The following TENT4A variants were observed in gnomAD, a reference collection of about 807,000 sequenced individuals.
The protein encoded by TENT4A is terminal nucleotidyltransferase 4A, also known as DNA polymerase kappa.
Under a neutral mutation model 72.8 loss-of-function variants are expected in TENT4A, and 7 were observed. The observed-to-expected ratio is 0.10, with a 90% CI of 0.05 to 0.18. The LOEUF (loss-of-function observed/expected upper bound fraction) is 0.18, where lower values mean the gene tolerates loss of function less well. TENT4A is among the 10% of genes least tolerant of loss of function. TENT4A has a pLI of 1.00. For missense variants in TENT4A, 831 were observed against 1,017.7 expected (o/e 0.82, Z 2.50); for synonymous variants, 456 against 434.3 (o/e 1.05, Z -0.62).
intron 1 of TENT4A, among the ~76,000 whole-genome samples, chr5:6,718,020 C>T (rs1201633287): frequency 6.6e-6 from 1 of 152,236 alleles, no homozygotes; most frequent in Non-Finnish European, 1.5e-5. Flanking sequence ...AGCTTCTATT[C>T]AGAGTTTGGC....
chr5:6,750,477 G>C lies in TENT4A; in HGVS notation c.1834G>C (p.Val612Leu), dbSNP rs1360977527. 2.5e-6 allele frequency: 4 copies of C among 1,603,214 alleles called. No individual in the cohort carries two copies. The Admixed American group carries it at 5.2e-5, about 21-fold the overall frequency. The change falls in exon 10 of 13, where the codon GTG (valine) becomes CTG (leucine). Residue 612 changes from valine (V) to leucine (L), a missense_variant. Physicochemically the swap from Val to Leu is conservative, Grantham distance 32. Transcript: ENST00000230859. ...LLSSGSSASS[V>L]SSLSGSDVDS... ...GTCTTCAGGCTCCTCGGCCTCTTCT[G>C]TGTCTTCACTTTCTGGGAGTGACGT...
rs769370771 is a variant in TENT4A at position 6,749,666 on chromosome 5, T to C, written c.1687+9T>C. 2.5e-6 allele frequency: 4 copies of C among 1,575,864 alleles called. No homozygotes were observed. The South Asian group carries it at 4.4e-5, about 17-fold the overall frequency. On this transcript the variant is annotated intron_variant, in intron 9 of 12. Transcript: ENST00000230859. ...CCCGTCGCCAGGCATGGGTGAGAGA[T>C]TAATTCATTTGTGTTCATCCTAACC...
chr5:6,745,078 C>T (rs28381387), intron 6 of TENT4A, among the ~76,000 whole-genome samples: 2,616 of 152,274 alleles, frequency 0.017, 34 homozygotes, highest in South Asian at 0.039. Context: ...CCTGCCTCAG[C>T]GGTGTGACTG....
At chr5:6,750,542 T>G in intron 10 of TENT4A, 39 bp downstream of exon 10, 1 of 1,501,676 alleles carries the variant, frequency 6.7e-7, no homozygotes, top group Non-Finnish European at 9.0e-7. Flanking sequence ...TGTTGGACAG[T>G]TTGTGTCTCT....
intron 1 of TENT4A, among the ~76,000 whole-genome samples, chr5:6,727,623 C>T (rs1034560889): frequency 2.6e-5 from 4 of 152,218 alleles, no homozygotes; most frequent in African/African-American, 9.6e-5. Flanking sequence ...TAACTGGCTG[C>T]TCGTTACCTT....
In TENT4A at chr5:6,714,195, C is replaced by T. The variant is rs1456178581; in HGVS notation, c.212C>T (p.Ala71Val). The change falls in exon 1 of 13, where the codon GCG becomes GTG. Residue 71 changes from alanine (A) to valine (V), a missense_variant. Physicochemically the swap from Ala to Val is moderately conservative, Grantham distance 64 (BLOSUM62 0). Coordinates refer to ENST00000230859, the MANE Select transcript of TENT4A (RefSeq NM_006999.6). The part of the protein sequence containing the change: ...SGGLGPALPA[A>V]SPPPPGPTAP... ...GGCCTGGGCCCCGCGCTGCCCGCCG[C>T]GTCGCCCCCGCCGCCCGGCCCCACC... 2.2e-6 allele frequency: 2 copies of T among 912,046 alleles called. No homozygotes were observed. Among genetic ancestry groups the T allele is most frequent in the Admixed American group, 6.6e-5 (1 of 15,236 alleles). The allele number at this position is 912,046 out of a possible 1,614,324, so 56.5% of individuals were successfully genotyped here.
At chr5:6,724,186 T>C (rs917018712) in intron 1 of TENT4A, among the ~76,000 whole-genome samples, 5 of 152,220 alleles carry the variant, frequency 3.3e-5, no homozygotes, top group African/African-American at 1.2e-4. Context: ...CTGCATGGTA[T>C]GCAAGCCTGG....
intron 1 of TENT4A, among the ~76,000 whole-genome samples, chr5:6,735,973 G>C (rs564384988): frequency 8.5e-5 from 13 of 152,262 alleles, no homozygotes; most frequent in Admixed American, 6.5e-4. Flanking sequence ...ATTTTAGTCA[G>C]GATGGTCTTG....
chr5:6,754,915 G>A lies in TENT4A; in HGVS notation c.2349G>A (p.Arg783=). The change falls in exon 13 of 13, where the codon CGG becomes CGA. Residue 783 remains arginine, a synonymous_variant. Coordinates refer to ENST00000230859, the MANE Select transcript of TENT4A (RefSeq NM_006999.6). ...GWRRKKHTHT[R]DSLPVSLSR ...GGAGGAAAAAACACACACACACACG[G>A]GACAGTCTGCCCGTGAGCCTCAGCA... 6.3e-7 allele frequency: 1 copy of A among 1,588,356 alleles called. No individual in the cohort carries two copies. Among genetic ancestry groups the A allele is most frequent in the Non-Finnish European group, 8.6e-7 (1 of 1,161,318 alleles).
chr5:6,753,042 A>G lies in TENT4A; in HGVS notation c.2184+5A>G. ...AGCCCTCATCTGTATCATAAGGTAT[A>G]GCTCTGTCCTGGTGCATTCACCTAC... On this transcript the variant is annotated splice_donor_5th_base_variant and intron_variant, in intron 12 of 12. Coordinates refer to ENST00000230859, the MANE Select transcript of TENT4A (RefSeq NM_006999.6). 1 of 1,611,090 alleles carries G rather than the reference A, an allele frequency of 6.2e-7. No individual in the cohort carries two copies. The highest frequency in any genetic ancestry group is 1.7e-4 in the Middle Eastern group (1 of 6,048).
rs374819377 is a variant in TENT4A, at chr5:6,754,890, G to A, written c.2324G>A (p.Arg775Lys). ...CACCAGTATAACCGCACCGGCTGGA[G>A]GAGGAAAAAACACACACACACACGG... ...GHHQYNRTGW[R>K]RKKHTHTRDS... The change falls in exon 13 of 13, where the codon AGG becomes AAG. Residue 775 changes from arginine (R) to lysine (K), a missense_variant. Around this residue, in one of 3 missense-constraint regions of TENT4A, gnomAD observed 332 missense variants for 324.3 expected, o/e 1.02. Transcript: ENST00000230859. 8 of 1,606,260 alleles carry A rather than the reference G, an allele frequency of 5.0e-6. No homozygotes were observed. The highest frequency in any genetic ancestry group is 2.2e-5 in the East Asian group (1 of 44,574).
chr5:6,753,095 T>G (rs1742505276), intron 12 of TENT4A, 58 bp downstream of exon 12: 1 of 1,473,020 alleles, frequency 6.8e-7, no homozygotes, highest in South Asian at 1.4e-5. Flanking sequence ...TGAGAGGCGG[T>G]GCTAAATGTT....
intron 6 of TENT4A, among the ~76,000 whole-genome samples, chr5:6,745,488 A>T (rs1742038169): frequency 6.6e-6 from 1 of 152,210 alleles, no homozygotes; most frequent in East Asian, 1.9e-4. Flanking sequence ...TGAGTATTGC[A>T]GTGTGGCTGG....
chr5:6,737,770 T>C lies in TENT4A; in HGVS notation c.840+137T>C, dbSNP rs1344331663. On this transcript the variant is annotated intron_variant, in intron 2 of 12. Coordinates refer to ENST00000230859, the MANE Select transcript of TENT4A (RefSeq NM_006999.6). ...AGGCAGCAGTTCTCCAAGTGTGCTTTGAGAAGGCCTCCGTTGCCTGGAATG... is the reference window on the plus strand; with the variant it reads ...AGGCAGCAGTTCTCCAAGTGTGCTTCGAGAAGGCCTCCGTTGCCTGGAATG... The C allele has an allele frequency of 3.5e-5, 33 of 948,578 alleles. No homozygotes were observed. In the East Asian group the frequency reaches 4.8e-4, roughly 14 times the overall value. The allele number at this position is 948,578 out of a possible 1,614,324, so 58.8% of individuals were successfully genotyped here.
chr5:6,718,756 C>G (rs1222752988), intron 1 of TENT4A, among the ~76,000 whole-genome samples: 1 of 152,204 alleles, frequency 6.6e-6, no homozygotes, highest in Non-Finnish European at 1.5e-5. Context: ...AATTGAAAAT[C>G]GAGTGCAAGA....
chr5:6,743,019 T>C (rs1319109999), intron 5 of TENT4A, among the ~76,000 whole-genome samples: 1 of 152,200 alleles, frequency 6.6e-6, no homozygotes, highest in South Asian at 2.1e-4. Flanking sequence ...TTTGGGACTC[T>C]GACCATGTGC....
chr5:6,753,973 G>A (rs3797184), intron 12 of TENT4A, among the ~76,000 whole-genome samples: 6,503 of 152,232 alleles, frequency 0.043, 169 homozygotes, highest in South Asian at 0.097. Flanking sequence ...CCTGAAGCCG[G>A]CGTGTGTTCC....
chr5:6,754,608 G>A (rs1435218994), intron 12 of TENT4A, 143 bp from the exon 13 acceptor site: 1 of 490,108 alleles, frequency 2.0e-6, no homozygotes, highest in African/African-American at 2.0e-5. Context: ...CTCAGATGGA[G>A]GAGTTGGGAA....
intron 1 of TENT4A, among the ~76,000 whole-genome samples, chr5:6,729,818 G>T (rs1741115673): frequency 6.6e-6 from 1 of 152,150 alleles, no homozygotes; most frequent in African/African-American, 2.4e-5. Flanking sequence ...AGCAGGTGGG[G>T]TGCCTCCCCT....
Sources: allele counts gnomAD v4.1 joint callset (sites outside exome capture counted in the v4.1 genomes callset), GRCh38; gene constraint gnomAD v4.1.1; regional missense constraint gnomAD v4.1.1; transcripts MANE v1.5; gene names NCBI Gene and HGNC (gene_info 2026-07-23, HGNC 2026-07-21).